The following ADGRL3 variants were observed in gnomAD, a reference collection of about 807,000 sequenced individuals.
The protein encoded by ADGRL3 is calcium-independent alpha-latrotoxin receptor 3.
Under a neutral mutation model 153.5 loss-of-function variants are expected in ADGRL3, and 62 were observed. That is an observed-to-expected ratio of 0.40 (90% CI 0.33 to 0.50). The LOEUF (loss-of-function observed/expected upper bound fraction) is 0.50, where lower values mean the gene tolerates loss of function less well. Ranked by LOEUF, ADGRL3 falls within the 20% of genes least tolerant of loss-of-function variation. ADGRL3 has a pLI of 0.47. For missense variants in ADGRL3, 1,641 were observed against 1,859.4 expected, an observed-to-expected ratio of 0.88 and a Z score of 2.16; for synonymous variants, 710 against 672.5, an observed-to-expected ratio of 1.06 and a Z score of -0.86.
chr4:61,835,340 A>G (rs1185667394), intron 9 of ADGRL3, among the ~76,000 whole-genome samples: 2 of 79,140 alleles, frequency 2.5e-5, no homozygotes, highest in African/African-American at 1.5e-4. Flanking sequence ...CAAGACTGAA[A>G]AAAAAAAAAA....
chr4:61,909,795 G>A lies in ADGRL3; in HGVS notation c.2073+50G>A, dbSNP rs1299973352. 6.6e-6 allele frequency: 9 copies of A among 1,365,976 alleles called. No individual in the cohort carries two copies. The East Asian group carries it at 2.1e-4, about 32-fold the overall frequency. The allele number at this position is 1,365,976 out of a possible 1,614,324, so 84.6% of individuals were successfully genotyped here. A position where few individuals can be genotyped will look rare whatever the true frequency, so the allele number is the denominator to read the frequency against. ...TGTGTGTGTGTGTGTGTGTGTGTGT[G>A]TGTGTGTCTTTAAAGTTGTAATAAA... On this transcript the variant is annotated intron_variant, in intron 12 of 26. Transcript: ENST00000683033.
intron 2 of ADGRL3, among the ~76,000 whole-genome samples, chr4:61,466,053 C>A (rs1247512451): frequency 6.6e-6 from 1 of 151,678 alleles, no homozygotes; most frequent in Non-Finnish European, 1.5e-5. Context: ...ACTCGGGAGG[C>A]GGATGTTGCA....
chr4:61,983,282 A>G, intron 18 of ADGRL3, 101 bp from the exon 19 acceptor site: 3 of 788,948 alleles, frequency 3.8e-6, no homozygotes, highest in Non-Finnish European at 6.2e-6. Context: ...TTGCAGATCT[A>G]TTGTAATGCA....
intron 6 of ADGRL3, among the ~76,000 whole-genome samples, chr4:61,730,125 T>C (rs1407783998): frequency 6.6e-6 from 1 of 151,900 alleles, no homozygotes; most frequent in Non-Finnish European, 1.5e-5. Context: ...CTACAGGAAA[T>C]CTTAGGCCTT....
At chr4:61,343,631 G>A (rs903469240) in intron 1 of ADGRL3, among the ~76,000 whole-genome samples, 2 of 152,070 alleles carry the variant, frequency 1.3e-5, no homozygotes, top group African/African-American at 4.8e-5. Context: ...ATAGATACTA[G>A]ACCTGGATGT....
chr4:61,493,100 A>C (rs1304904551), intron 2 of ADGRL3, among the ~76,000 whole-genome samples: 1 of 152,168 alleles, frequency 6.6e-6, no homozygotes, highest in Non-Finnish European at 1.5e-5. Flanking sequence ...TATAATTCAG[A>C]GTGGTGATAT....
intron 5 of ADGRL3, among the ~76,000 whole-genome samples, chr4:61,600,856 C>T (rs928500998): frequency 6.2e-4 from 95 of 152,146 alleles, no homozygotes; most frequent in African/African-American, 2.2e-3. Context: ...GGTATATTTA[C>T]ATTTGTGAAT....
intron 4 of ADGRL3, among the ~76,000 whole-genome samples, chr4:61,529,795 T>A (rs942092666): frequency 6.6e-6 from 1 of 152,244 alleles, no homozygotes; most frequent in Admixed American, 6.5e-5. Flanking sequence ...CTTTGAAATG[T>A]GCAAAATTAA....
Position 61,202,486 on chromosome 4 carries a change from G to C in ADGRL3, c.-240+721G>C, listed in dbSNP as rs1735188272. Among the ~76,000 whole-genome samples the C allele has an allele frequency of 6.6e-6, 1 of 152,172 alleles. No homozygotes were observed. Among genetic ancestry groups the C allele is most frequent in the African/African-American group, 2.4e-5 (1 of 41,454 alleles). On this transcript the variant is annotated intron_variant, in intron 1 of 26. Coordinates refer to ENST00000683033, the MANE Select transcript of ADGRL3 (RefSeq NM_001387552.1). The surrounding 1 kb of genome is among the most constrained non-coding windows in gnomAD (Gnocchi z 5.0). The stretch of plus-strand genomic sequence containing the variant: ...CACTTTCGTGGGTGGCCCGGGCTGC[G>C]CTGTGCTGGTAGTGGGCACTGGGCG...
intron 4 of ADGRL3, among the ~76,000 whole-genome samples, chr4:61,522,069 A>G (rs2098534652): frequency 6.6e-6 from 1 of 152,126 alleles, no homozygotes; most frequent in Admixed American, 6.6e-5. Context: ...CGTTCCTTCT[A>G]CTTCCCAGTA....
chr4:61,645,601 T>G (rs2093938442), intron 5 of ADGRL3, among the ~76,000 whole-genome samples: 1 of 152,212 alleles, frequency 6.6e-6, no homozygotes, highest in South Asian at 2.1e-4. Flanking sequence ...TTTAACAATG[T>G]TGAATATTGT....
chr4:61,625,171 G>A (rs1319529441), intron 5 of ADGRL3, among the ~76,000 whole-genome samples: 2 of 151,932 alleles, frequency 1.3e-5, no homozygotes, highest in African/African-American at 4.8e-5. Flanking sequence ...ATCATTCAAC[G>A]GTTATTTATT....
chr4:61,248,422 GTTTA>G (rs1317455165), intron 1 of ADGRL3, among the ~76,000 whole-genome samples: 1 of 151,950 alleles, frequency 6.6e-6, no homozygotes, highest in African/African-American at 2.4e-5. Context: ...TCAATTTATT[GTTTA>G]TTTAAGGTGT....
intron 19 of ADGRL3, among the ~76,000 whole-genome samples, chr4:61,989,269 G>C (rs570973689): frequency 1.8e-4 from 27 of 152,054 alleles, no homozygotes; most frequent in African/African-American, 6.5e-4. Flanking sequence ...AATTCATAGA[G>C]AATCATATTT....
At chr4:61,524,746 GT>G (rs1237331613) in intron 4 of ADGRL3, among the ~76,000 whole-genome samples, 14 of 152,032 alleles carry the variant, frequency 9.2e-5, no homozygotes, top group Admixed American at 9.2e-4. Flanking sequence ...CCCCACTGCT[GT>G]TTATCCCTTT....
chr4:61,946,798 A>G, intron 15 of ADGRL3, 116 bp from the exon 16 acceptor site: 1 of 796,466 alleles, frequency 1.3e-6, no homozygotes, highest in African/African-American at 1.7e-5. Flanking sequence ...TTTGGTTGAA[A>G]TGAATGCTGG....
At chr4:61,582,510 A>G (rs374408166) in intron 4 of ADGRL3, among the ~76,000 whole-genome samples, 1 of 152,000 alleles carries the variant, frequency 6.6e-6, no homozygotes, top group South Asian at 2.1e-4. Flanking sequence ...CTTGCAAAAG[A>G]TATGATCTCA....
At chr4:61,822,054 T>A (rs1333928112) in intron 9 of ADGRL3, among the ~76,000 whole-genome samples, 1 of 152,218 alleles carries the variant, frequency 6.6e-6, no homozygotes, top group African/African-American at 2.4e-5. Flanking sequence ...TATTCTACGA[T>A]GATGCTTTTC....
At chr4:61,272,452 A>C (rs1411344548) in intron 1 of ADGRL3, among the ~76,000 whole-genome samples, 1 of 152,158 alleles carries the variant, frequency 6.6e-6, no homozygotes, top group Non-Finnish European at 1.5e-5. Flanking sequence ...TCTAATGTCT[A>C]TATCTGCCCT....
Sources: gnomAD v4.1 joint callset for allele counts (sites outside exome capture counted in the v4.1 genomes callset) on GRCh38, gnomAD v4.1.1 for gene constraint, Gnocchi (gnomAD v3.1) non-coding constraint, MANE v1.5 for transcripts, NCBI Gene and HGNC (gene_info 2026-07-23, HGNC 2026-07-21) for gene names.